The following RESF1 variants were observed in gnomAD, a reference collection of about 807,000 sequenced individuals.
RESF1 encodes the protein retroelement silencing factor 1.
RESF1 carries 65 observed loss-of-function variants against 134.7 expected under a neutral mutation model. The observed-to-expected ratio is 0.48, with a 90% confidence interval of 0.40 to 0.59. RESF1 has a LOEUF of 0.59. Among genes scored for constraint, RESF1 ranks in the 20% least tolerant of loss-of-function variants. The pLI is 0.00. For synonymous variants in RESF1, 762 were observed against 702.2 expected (o/e 1.09, Z -1.35); for missense variants, 2,274 against 2,002.7 (o/e 1.14, Z -2.59).
chr12:31,980,781 A>C, intron 3 of RESF1, 97 bp from the exon 4 acceptor site: 1 of 541,334 alleles, frequency 1.8e-6, no homozygotes, highest in Non-Finnish European at 3.2e-6. Context: ...GCTGCTCTGA[A>C]GATTCAGTAA....
rs1417297594 is a variant in RESF1, at chr12:31,981,514, A to G, written c.559A>G (p.Asn187Asp). ...AGCTTACCAAGGAAATCAGGGACTT[A>G]ACCAGTCTTTTTCAGAGCAACAGGT... ...PVAYQGNQGL[N>D]QSFSEQQVDW... The change falls in exon 4 of 6, where the codon AAC (asparagine) becomes GAC (aspartate). Residue 187 changes from asparagine (N) to aspartate (D), a missense_variant. Coordinates refer to ENST00000312561, the MANE Select transcript of RESF1 (RefSeq NM_018169.4). 1.2e-6 allele frequency: 2 copies of G among 1,613,916 alleles called. No homozygotes were observed. Among genetic ancestry groups the G allele is most frequent in the Non-Finnish European group, 1.7e-6 (2 of 1,179,902 alleles).
intron 4 of RESF1, 26 bp downstream of exon 4, chr12:31,985,983 T>A (rs768857224): frequency 5.5e-5 from 79 of 1,434,404 alleles, no homozygotes; most frequent in Non-Finnish European, 7.2e-5. Flanking sequence ...CTTGGTGGTG[T>A]CTACAATATT....
At chr12:31,968,534 C>T (rs891529268) in intron 2 of RESF1, among the ~76,000 whole-genome samples, 5 of 151,760 alleles carry the variant, frequency 3.3e-5, no homozygotes, top group South Asian at 4.2e-4. Context: ...CTGCAAGCTC[C>T]GCCTCTTGGG....
chr12:31,980,815 A>T, intron 3 of RESF1, 63 bp from the exon 4 acceptor site: 1 of 627,352 alleles, frequency 1.6e-6, no homozygotes, highest in Non-Finnish European at 2.7e-6. Flanking sequence ...TCAGCTACTA[A>T]TTTTCTTAGA....
chr12:31,989,782 GCGGAGGTT>G (rs1218688803), intron 5 of RESF1, among the ~76,000 whole-genome samples: 4 of 152,148 alleles, frequency 2.6e-5, no homozygotes, highest in Non-Finnish European at 5.9e-5. Flanking sequence ...AACCTGTGAG[GCGGAGGTT>G]CCAGTGAGCT....
At chr12:31,961,278 G>A (rs1939260655) in intron 2 of RESF1, among the ~76,000 whole-genome samples, 1 of 152,146 alleles carries the variant, frequency 6.6e-6, no homozygotes, top group Non-Finnish European at 1.5e-5. Flanking sequence ...ATCATGTCCA[G>A]GGCTTTCATC....
Position 31,985,424 on chromosome 12 carries a change from G to A in RESF1, c.4469G>A (p.Ser1490Asn), listed in dbSNP as rs781505399. Residue 1490 changes from serine to asparagine, a missense_variant, in exon 4 of 6, where the codon AGT (serine) becomes AAT (asparagine). Coordinates refer to ENST00000312561, the MANE Select transcript of RESF1 (RefSeq NM_018169.4). Reference sequence around the variant, plus strand: ...AGTAAACTTGCCGTGCAGGTTGAAAGTTGTGGGAAATCAAATGAGAAACAC... The same window carrying A: ...AGTAAACTTGCCGTGCAGGTTGAAAATTGTGGGAAATCAAATGAGAAACAC... ...RPSKLAVQVE[S>N]CGKSNEKHSS... The A allele has an allele frequency of 3.1e-6, 5 of 1,606,210 alleles. No homozygotes were observed. Among genetic ancestry groups the A allele is most frequent in the Non-Finnish European group, 4.2e-6 (5 of 1,177,976 alleles).
chr12:31,972,436 C>T (rs1939530909), intron 3 of RESF1, among the ~76,000 whole-genome samples: 1 of 151,536 alleles, frequency 6.6e-6, no homozygotes, highest in African/African-American at 2.4e-5. Flanking sequence ...GAAACCCTGT[C>T]TCTACTAAAA....
rs1274007581 is a variant in RESF1 at position 31,985,738 on chromosome 12, A to G, written c.4783A>G (p.Ile1595Val). 1.3e-6 allele frequency: 2 copies of G among 1,588,172 alleles called. No individual in the cohort carries two copies. Among genetic ancestry groups the G allele is most frequent in the South Asian group, 2.3e-5 (2 of 85,782 alleles). Reference protein sequence around the residue: ...VGFKCTERESISLTKLESSPR... With the variant: ...VGFKCTERESVSLTKLESSPR... Reference sequence around the variant, plus strand: ...GTTTAAATGCACTGAACGTGAAAGCATTTCTCTCACCAAATTAGAAAGTTC... The same window carrying G: ...GTTTAAATGCACTGAACGTGAAAGCGTTTCTCTCACCAAATTAGAAAGTTC... The change falls in exon 4 of 6, where the codon ATT becomes GTT. Residue 1595 changes from isoleucine (I) to valine (V), a missense_variant. Coordinates refer to ENST00000312561, the MANE Select transcript of RESF1 (RefSeq NM_018169.4).
Position 31,981,000 on chromosome 12 carries a change from G to C in RESF1, c.45G>C (p.Leu15=). ...CAAAGAGTGCTACATTACCACCACTGTATCCTAAAAGCCAGCCACCTTTTT... is the reference window on the plus strand; with the variant it reads ...CAAAGAGTGCTACATTACCACCACTCTATCCTAAAAGCCAGCCACCTTTTT... ...EKPKSATLPP[L]YPKSQPPFLH... Residue 15 remains leucine (L), a synonymous_variant, in exon 4 of 6, where the codon CTG becomes CTC. Transcript: ENST00000312561. 1 of 1,613,634 alleles carries C rather than the reference G, an allele frequency of 6.2e-7. No homozygotes were observed. The highest frequency in any genetic ancestry group is 8.5e-7 in the Non-Finnish European group (1 of 1,179,822).
At chr12:31,965,294 A>G (rs772867821) in intron 2 of RESF1, among the ~76,000 whole-genome samples, 3 of 152,030 alleles carry the variant, frequency 2.0e-5, no homozygotes, top group Admixed American at 6.6e-5. Flanking sequence ...TTCTGTGTCA[A>G]AGTTGCTGAG....
intron 3 of RESF1, among the ~76,000 whole-genome samples, chr12:31,970,658 T>C (rs1047023877): frequency 2.0e-5 from 3 of 152,254 alleles, no homozygotes; most frequent in Non-Finnish European, 4.4e-5. Context: ...TAAAGAATCT[T>C]ACACATTCCT....
At chr12:31,976,948 G>T (rs1939649270) in intron 3 of RESF1, among the ~76,000 whole-genome samples, 1 of 152,074 alleles carries the variant, frequency 6.6e-6, no homozygotes, top group Non-Finnish European at 1.5e-5. Context: ...TTTTTATTGA[G>T]TTGTCTACAT....
At position 31,992,626 on chromosome 12, in the gene RESF1, T is replaced by G. The variant is rs1464893413; in HGVS notation, c.*91T>G. ...CTGAAACTAATGAGAAATGCCATGA[T>G]AAAGATTTCTCAGAGTTTGGTTCCC... On this transcript the variant is annotated 3_prime_UTR_variant, in exon 6 of 6. Coordinates refer to ENST00000312561, the MANE Select transcript of RESF1 (RefSeq NM_018169.4). The G allele has an allele frequency of 4.7e-6, 6 of 1,264,626 alleles. No individual in the cohort carries two copies. The Admixed American group carries it at 1.3e-4, about 26-fold the overall frequency. 78.3% of individuals were successfully genotyped at this position (1,264,626 alleles called of 1,614,324 possible).
chr12:31,971,159 T>C (rs1939497503), intron 3 of RESF1, among the ~76,000 whole-genome samples: 1 of 152,264 alleles, frequency 6.6e-6, no homozygotes, highest in South Asian at 2.1e-4. Context: ...TTTCTTTTTT[T>C]GAGACGGAGT....
Position 31,982,963 on chromosome 12 carries a change from A to G in RESF1, c.2008A>G (p.Met670Val), listed in dbSNP as rs557437813. 30 of 1,614,138 alleles carry G rather than the reference A, an allele frequency of 1.9e-5. No homozygotes were observed. In the South Asian group the frequency reaches 2.5e-4, roughly 14 times the overall value. Residue 670 changes from methionine (M) to valine (V), a missense_variant, in exon 4 of 6, where the codon ATG becomes GTG. Transcript: ENST00000312561. ...MPAKSDSSCSMEVLATCLSLW... is the reference protein window; with the variant it reads ...MPAKSDSSCSVEVLATCLSLW... ...TGCTAAAAGTGACAGTAGCTGTTCC[A>G]TGGAAGTGCTAGCAACCTGTCTTTC...
intron 3 of RESF1, among the ~76,000 whole-genome samples, chr12:31,971,986 G>A (rs1939518399): frequency 6.6e-6 from 1 of 152,150 alleles, no homozygotes; most frequent in Admixed American, 6.5e-5. Flanking sequence ...AATCAGATCT[G>A]TGCAATGAAG....
At chr12:31,991,406 A>T (rs1940090437) in intron 5 of RESF1, among the ~76,000 whole-genome samples, 1 of 152,206 alleles carries the variant, frequency 6.6e-6, no homozygotes, top group Non-Finnish European at 1.5e-5. Flanking sequence ...AGATCTAAAG[A>T]ACTAACAGGA....
Position 31,984,849 on chromosome 12 carries a change from G to T in RESF1, c.3894G>T (p.Arg1298Ser), listed in dbSNP as rs918669006. Residue 1298 changes from arginine (R) to serine (S), a missense_variant, in exon 4 of 6, where the codon AGG (arginine) becomes AGT (serine). Coordinates refer to ENST00000312561, the MANE Select transcript of RESF1 (RefSeq NM_018169.4). Reference protein sequence around the residue: ...PLQNHKRKKLRFHEVTFHSSN... With the variant: ...PLQNHKRKKLSFHEVTFHSSN... ...AAAATCACAAAAGAAAAAAATTGAGGTTTCACGAGGTAACCTTTCACTCCA... is the reference window on the plus strand; with the variant it reads ...AAAATCACAAAAGAAAAAAATTGAGTTTTCACGAGGTAACCTTTCACTCCA... The T allele has an allele frequency of 6.2e-7, 1 of 1,602,362 alleles. No homozygotes were observed. Among genetic ancestry groups the T allele is most frequent in the African/African-American group, 1.4e-5 (1 of 73,892 alleles).
Sources: allele counts gnomAD v4.1 joint callset (sites outside exome capture counted in the v4.1 genomes callset), GRCh38; gene constraint gnomAD v4.1.1; transcripts MANE v1.5; gene names NCBI Gene and HGNC (gene_info 2026-07-23, HGNC 2026-07-21).